PTPRE: variants seen among roughly 807,000 people sequenced by gnomAD.
The protein encoded by PTPRE is receptor-type tyrosine-protein phosphatase epsilon.
PTPRE carries 51 observed loss-of-function variants against 102.0 expected under a neutral mutation model. The observed-to-expected ratio is 0.50, with a 90% CI of 0.40 to 0.63. PTPRE has a LOEUF of 0.63. PTPRE is among the 30% of genes least tolerant of loss of function. The probability of loss-of-function intolerance (pLI) is 0.00; values close to 1 mark genes in which losing one functional copy is unlikely to be tolerated. For synonymous variants in PTPRE, 345 were observed against 348.2 expected (o/e 0.99, Z 0.10); for missense variants, 752 against 915.1 (o/e 0.82, Z 2.30).
In PTPRE at chr10:127,944,500, A is replaced by ATGGATGGATAAG. The variant is rs1554896080; in HGVS notation, c.-31+37200_-31+37201insAAGTGGATGGAT. Among the ~76,000 whole-genome samples, 2,908 of 146,096 alleles carry ATGGATGGATAAG rather than the reference A, an allele frequency of 0.02. 90 individuals carry two copies. The highest frequency in any genetic ancestry group is 0.062 in the African/African-American group (2,418 of 38,956). Reference sequence around the variant, plus strand: ...GATGGATGGATGGATGGATGGATGGATGGATGGATGGATGGGTGGATGGAT... The same window carrying ATGGATGGATAAG: ...GATGGATGGATGGATGGATGGATGGATGGATGGATAAGTGGATGGATGGATGGGTGGATGGAT... On this transcript the variant is annotated intron_variant, in intron 1 of 20. Coordinates refer to ENST00000254667, the MANE Select transcript of PTPRE (RefSeq NM_006504.6). This position sits in a 1 kb window ranked among gnomAD's most constrained non-coding sequence, Gnocchi z 4.2.
At chr10:128,067,073 C>A (rs986981351) in intron 11 of PTPRE, among the ~76,000 whole-genome samples, 1 of 151,844 alleles carries the variant, frequency 6.6e-6, no homozygotes, top group Non-Finnish European at 1.5e-5. Flanking sequence ...CACACGTACA[C>A]CCACACACAG....
intron 2 of PTPRE, among the ~76,000 whole-genome samples, chr10:128,022,863 C>T (rs11816144): frequency 0.097 from 14,791 of 152,266 alleles, 1,098 homozygotes; most frequent in African/African-American, 0.2. Flanking sequence ...AAACCGCCAT[C>T]GCTGCTCCAA....
intron 1 of PTPRE, among the ~76,000 whole-genome samples, chr10:127,966,112 A>G (rs1850227794): frequency 6.6e-6 from 1 of 152,196 alleles, no homozygotes; most frequent in Non-Finnish European, 1.5e-5. Flanking sequence ...GGGCAACCCT[A>G]AAGAGAGGAC....
intron 8 of PTPRE, 42 bp from the exon 9 acceptor site, chr10:128,061,637 G>T: frequency 6.4e-7 from 1 of 1,565,984 alleles, no homozygotes; most frequent in East Asian, 2.3e-5. Context: ...TTTCAGCAAA[G>T]ATAATTCTGA....
In PTPRE at chr10:128,047,833, G is replaced by C; in HGVS notation, c.279G>C (p.Glu93Asp). 1.3e-6 allele frequency: 2 copies of C among 1,599,794 alleles called. No individual in the cohort carries two copies. Among genetic ancestry groups the C allele is most frequent in the Non-Finnish European group, 1.7e-6 (2 of 1,169,462 alleles). Residue 93 changes from glutamate (E) to aspartate (D), a missense_variant, in exon 5 of 21, where the codon GAG (glutamate) becomes GAC (aspartate). Glu to Asp is a conservative substitution (Grantham distance 45, BLOSUM62 2). Around this residue, in one of 2 missense-constraint regions of PTPRE, gnomAD observed 636 missense variants for 824.4 expected, o/e 0.77. Coordinates refer to ENST00000254667, the MANE Select transcript of PTPRE (RefSeq NM_006504.6). ...AGATGCCCAACGGAATCTTGGAGGAGCAAGGTACAGAAGCTGCTCTCTGGC... is the reference window on the plus strand; with the variant it reads ...AGATGCCCAACGGAATCTTGGAGGACCAAGGTACAGAAGCTGCTCTCTGGC... Reference protein sequence around the residue: ...DKKMPNGILEEQEQQRVMLLS... With the variant: ...DKKMPNGILEDQEQQRVMLLS...
rs2135737885 is a variant in PTPRE, at chr10:128,030,295, C to T, written c.-7-10580C>T. Among the ~76,000 whole-genome samples, 6 of 152,298 alleles carry T rather than the reference C, an allele frequency of 3.9e-5. 2 individuals are homozygous for T. The South Asian group carries it at 1.2e-3, about 32-fold the overall frequency. On this transcript the variant is annotated intron_variant, in intron 2 of 20. Coordinates refer to ENST00000254667, the MANE Select transcript of PTPRE (RefSeq NM_006504.6). ...TGAGTTACAGTTTACAAGACTCACTCATTTATGATTTCGTGGGATTCTCTT... is the reference window on the plus strand; with the variant it reads ...TGAGTTACAGTTTACAAGACTCACTTATTTATGATTTCGTGGGATTCTCTT...
intron 1 of PTPRE, among the ~76,000 whole-genome samples, chr10:127,943,459 C>T (rs1433077181): frequency 1.3e-5 from 2 of 152,310 alleles, no homozygotes; most frequent in East Asian, 1.9e-4. Flanking sequence ...CATGCGAGAA[C>T]TTTCCCGTCG....
intron 2 of PTPRE, among the ~76,000 whole-genome samples, chr10:128,010,078 T>G (rs761611036): frequency 1.3e-5 from 2 of 152,044 alleles, no homozygotes; most frequent in Non-Finnish European, 2.9e-5. Context: ...CTCACTCACT[T>G]ATTCATCCCT....
intron 2 of PTPRE, among the ~76,000 whole-genome samples, chr10:128,022,573 T>C (rs1845986174): frequency 1.3e-5 from 2 of 152,200 alleles, no homozygotes; most frequent in Non-Finnish European, 2.9e-5. Context: ...GTTTCACTGG[T>C]GCTGCTGCTC....
chr10:127,919,307 A>T (rs1199653937), intron 1 of PTPRE, among the ~76,000 whole-genome samples: 2 of 152,234 alleles, frequency 1.3e-5, no homozygotes, highest in African/African-American at 4.8e-5. Flanking sequence ...TTCACCAAAA[A>T]CCAAAGTTAA....
chr10:127,914,694 C>T (rs1255066013), intron 1 of PTPRE, among the ~76,000 whole-genome samples: 1 of 152,210 alleles, frequency 6.6e-6, no homozygotes, highest in East Asian at 1.9e-4. Context: ...CTTTCCAAAT[C>T]CTTCCTCTCT....
rs1848514752 is a variant in PTPRE at position 127,944,804 on chromosome 10, G to A, written c.-30-37470G>A. On this transcript the variant is annotated intron_variant, in intron 1 of 20. Transcript: ENST00000254667. This position sits in a 1 kb window ranked among gnomAD's most constrained non-coding sequence, Gnocchi z 4.2. ...GGTTGTTGCAGTGAAAGAAGATAGTGGCATAAAATTAGGTAGGTGGCAATG... is the reference window on the plus strand; with the variant it reads ...GGTTGTTGCAGTGAAAGAAGATAGTAGCATAAAATTAGGTAGGTGGCAATG... Among the ~76,000 whole-genome samples the A allele has an allele frequency of 6.6e-6, 1 of 152,160 alleles. No individual in the cohort carries two copies. Among genetic ancestry groups the A allele is most frequent in the Non-Finnish European group, 1.5e-5 (1 of 68,032 alleles).
intron 7 of PTPRE, among the ~76,000 whole-genome samples, chr10:128,057,748 G>T (rs1849122547): frequency 6.6e-6 from 1 of 152,166 alleles, no homozygotes; most frequent in Non-Finnish European, 1.5e-5. Flanking sequence ...AGGTCATGTG[G>T]TGGCCACACA....
At chr10:128,074,527 A>T (rs370069526) in intron 17 of PTPRE, among the ~76,000 whole-genome samples, 26 of 152,326 alleles carry the variant, frequency 1.7e-4, no homozygotes, top group Admixed American at 5.9e-4. Flanking sequence ...TTAGCTGGGC[A>T]TGGTGGCGGG....
At chr10:128,082,499 A>C (rs1487441318) in intron 20 of PTPRE, among the ~76,000 whole-genome samples, 1 of 149,484 alleles carries the variant, frequency 6.7e-6, no homozygotes. Flanking sequence ...ACAGACGTTG[A>C]GCCATTGCAC....
chr10:128,011,472 G>T (rs1398490457), intron 2 of PTPRE, among the ~76,000 whole-genome samples: 2 of 152,204 alleles, frequency 1.3e-5, no homozygotes, highest in Non-Finnish European at 2.9e-5. Context: ...CGCACCAGGC[G>T]GGTGCGCGGT....
chr10:127,999,542 A>G (rs1191601938), intron 2 of PTPRE: 1 of 985,288 alleles, frequency 1.0e-6, no homozygotes, highest in Non-Finnish European at 1.2e-6. Flanking sequence ...CATTCTGCTT[A>G]CCCAGCTGGG....
chr10:128,031,940 A>G (rs1846793330), intron 2 of PTPRE, among the ~76,000 whole-genome samples: 1 of 151,728 alleles, frequency 6.6e-6, no homozygotes, highest in Non-Finnish European at 1.5e-5. Context: ...AGACAGCCCT[A>G]TTTTCTGCTT....
At chr10:128,053,149 G>A (rs1298175252) in intron 6 of PTPRE, among the ~76,000 whole-genome samples, 1 of 152,162 alleles carries the variant, frequency 6.6e-6, no homozygotes, top group Non-Finnish European at 1.5e-5. Flanking sequence ...TACTCAGGAG[G>A]CTGAGGTGGG....
Sources: allele counts gnomAD v4.1 joint callset (sites outside exome capture counted in the v4.1 genomes callset), GRCh38; gene constraint gnomAD v4.1.1; regional missense constraint gnomAD v4.1.1; non-coding constraint Gnocchi (gnomAD v3.1); transcripts MANE v1.5; gene names NCBI Gene and HGNC (gene_info 2026-07-23, HGNC 2026-07-21).